The following LEPR variants were observed in gnomAD, a reference collection of about 807,000 sequenced individuals.
The protein encoded by LEPR is OB receptor.
LEPR carries 56 observed loss-of-function variants against 114.7 expected under a neutral mutation model. The ratio of observed to expected loss-of-function variants is 0.49; its 90% CI spans 0.39 to 0.61. The LOEUF is 0.61. LEPR is among the 20% of genes least tolerant of loss of function. The pLI, the probability that LEPR is intolerant of heterozygous loss-of-function variation, is 0.00. For missense variants in LEPR, 1,202 were observed against 1,352.9 expected (o/e 0.89, Z 1.75); for synonymous variants, 443 against 461.4 (o/e 0.96, Z 0.51).
At chr1:65,454,175 T>A (rs1304879914) in intron 2 of LEPR, among the ~76,000 whole-genome samples, 1 of 152,032 alleles carries the variant, frequency 6.6e-6, no homozygotes, top group African/African-American at 2.4e-5. Context: ...CCTATGTGTG[T>A]CTCTGCACGT....
At chr1:65,608,432 C>T (rs922631241) in intron 11 of LEPR, among the ~76,000 whole-genome samples, 2 of 151,966 alleles carry the variant, frequency 1.3e-5, no homozygotes, top group South Asian at 2.1e-4. Flanking sequence ...GGGGTTTCAC[C>T]GTGTTAGCCA....
At chr1:65,488,630 A>G (rs1287067065) in intron 2 of LEPR, among the ~76,000 whole-genome samples, 1 of 151,922 alleles carries the variant, frequency 6.6e-6, no homozygotes, top group Non-Finnish European at 1.5e-5. Flanking sequence ...TGCCCAGCCT[A>G]GTTATTAAAA....
intron 2 of LEPR, among the ~76,000 whole-genome samples, chr1:65,452,146 T>C (rs1287549613): frequency 3.9e-5 from 6 of 152,336 alleles, no homozygotes; most frequent in African/African-American, 7.2e-5. Context: ...GAGACTTTGC[T>C]GAAGTTGCTT....
chr1:65,430,079 C>T (rs761948743), intron 2 of LEPR: 2 of 1,522,668 alleles, frequency 1.3e-6, no homozygotes, highest in East Asian at 2.3e-5. Flanking sequence ...TTTTGCCCAA[C>T]CGTTGCTGAG....
intron 2 of LEPR, among the ~76,000 whole-genome samples, chr1:65,495,223 A>C (rs1475103545): frequency 6.6e-6 from 1 of 152,150 alleles, no homozygotes; most frequent in Non-Finnish European, 1.5e-5. Context: ...TAGCAAAAAA[A>C]GCCAATAACC....
chr1:65,610,676 G>A (rs1028371364), intron 14 of LEPR, among the ~76,000 whole-genome samples: 3 of 152,096 alleles, frequency 2.0e-5, no homozygotes, highest in Admixed American at 6.5e-5. Flanking sequence ...CACCTTCCCC[G>A]CACACCCCAA....
At chr1:65,577,697 A>G (rs1654690139) in intron 5 of LEPR, 1 of 189,426 alleles carries the variant, frequency 5.3e-6, no homozygotes, top group Non-Finnish European at 1.1e-5. Flanking sequence ...CCATCACATC[A>G]TCAATTTTGT....
At chr1:65,450,816 G>A (rs1321359466) in intron 2 of LEPR, among the ~76,000 whole-genome samples, 1 of 151,914 alleles carries the variant, frequency 6.6e-6, no homozygotes, top group Admixed American at 6.6e-5. Context: ...TGGGTCAAAT[G>A]ATATTTCTAG....
At chr1:65,538,726 T>C (rs1267749412) in intron 2 of LEPR, among the ~76,000 whole-genome samples, 1 of 152,062 alleles carries the variant, frequency 6.6e-6, no homozygotes, top group African/African-American at 2.4e-5. Context: ...TTCTCTGGAA[T>C]CTTTTCTTAT....
At chr1:65,599,979 A>G (rs1414437795) in intron 8 of LEPR, among the ~76,000 whole-genome samples, 1 of 152,136 alleles carries the variant, frequency 6.6e-6, no homozygotes, top group East Asian at 1.9e-4. Flanking sequence ...GCATCTAATC[A>G]TGTAAAAATA....
chr1:65,588,114 T>C (rs3828037), intron 5 of LEPR, among the ~76,000 whole-genome samples: 68,776 of 151,360 alleles, frequency 0.45, 16,235 homozygotes, highest in East Asian at 0.87. Flanking sequence ...AGAGACACTG[T>C]TACTCCACAC....
intron 2 of LEPR, among the ~76,000 whole-genome samples, chr1:65,476,375 AACG>A (rs1647159969): frequency 6.6e-6 from 1 of 151,990 alleles, no homozygotes; most frequent in Admixed American, 6.6e-5. Context: ...CTTTTTGTGT[AACG>A]TGCTGTACTA....
intron 2 of LEPR, among the ~76,000 whole-genome samples, chr1:65,438,548 CAAAAAAA>C (rs1159617552): frequency 1.5e-5 from 1 of 67,794 alleles, no homozygotes; most frequent in African/African-American, 5.8e-5. Flanking sequence ...GACTCTGTCT[CAAAAAAA>C]AAAAAAAAAA....
At position 65,558,073 on chromosome 1, in the gene LEPR, G is replaced by A. The variant is rs527309070; in HGVS notation, c.-20-7473G>A. ...TTGAACTGAATTACTATAGTCACTAGTAAGTTTCATCAAAGCAATCCAGTG... is the reference window on the plus strand; with the variant it reads ...TTGAACTGAATTACTATAGTCACTAATAAGTTTCATCAAAGCAATCCAGTG... On this transcript the variant is annotated intron_variant, in intron 2 of 19. Coordinates refer to ENST00000349533, the MANE Select transcript of LEPR (RefSeq NM_002303.6). Among the ~76,000 whole-genome samples, 27 of 152,302 alleles carry A rather than the reference G, an allele frequency of 1.8e-4. No homozygotes were observed. The South Asian group carries it at 5.4e-3, about 30-fold the overall frequency.
chr1:65,626,152 T>C, intron 19 of LEPR: 1 of 1,612,338 alleles, frequency 6.2e-7, no homozygotes, highest in South Asian at 1.1e-5. Context: ...AACTACTGGG[T>C]GGAGGTTGGT....
intron 1 of LEPR, chr1:65,421,425 C>G (rs984770525): frequency 6.5e-7 from 1 of 1,535,906 alleles, no homozygotes; most frequent in Non-Finnish European, 8.7e-7. Context: ...CAATGCGAGA[C>G]GGAAAAGGTT....
chr1:65,564,661 C>G (rs898775890), intron 2 of LEPR, among the ~76,000 whole-genome samples: 3 of 152,140 alleles, frequency 2.0e-5, no homozygotes, highest in Admixed American at 2.0e-4. Flanking sequence ...GAATAATAGG[C>G]AGCTCTGAAA....
At chr1:65,591,453 T>A (rs1655689934) in intron 5 of LEPR, among the ~76,000 whole-genome samples, 2 of 152,116 alleles carry the variant, frequency 1.3e-5, no homozygotes, top group South Asian at 4.1e-4. Flanking sequence ...GATTAGTCTA[T>A]TTCTCCTTAA....
intron 6 of LEPR, 89 bp downstream of exon 6, chr1:65,592,954 T>C (rs2100899436): frequency 7.1e-7 from 1 of 1,406,436 alleles, no homozygotes; most frequent in East Asian, 2.5e-5. Flanking sequence ...TTTGCTAGCT[T>C]ATCTCACTTT....
Sources: allele counts gnomAD v4.1 joint callset (sites outside exome capture counted in the v4.1 genomes callset), GRCh38; gene constraint gnomAD v4.1.1; transcripts MANE v1.5; gene names NCBI Gene and HGNC (gene_info 2026-07-23, HGNC 2026-07-21).